Variants in BAZ2B observed in about 807,000 individuals in gnomAD.
BAZ2B encodes the protein bromodomain adjacent to zinc finger domain protein 2B.
A neutral mutation model predicts 246.0 loss-of-function variants in BAZ2B; 91 were observed. That is an observed-to-expected ratio of 0.37 (90% CI 0.31 to 0.44). The LOEUF (loss-of-function observed/expected upper bound fraction) is 0.44. Ranked by LOEUF, BAZ2B falls within the 20% of genes least tolerant of loss-of-function variation. The pLI is 1.00. For missense variants in BAZ2B, 2,332 were observed against 2,533.7 expected (o/e 0.92, Z 1.71); for synonymous variants, 855 against 860.0 (o/e 0.99, Z 0.10).
the BAZ2B span, among the ~76,000 whole-genome samples, chr2:159,633,284 T>C: frequency 1.4e-4 from 21 of 152,134 alleles, no homozygotes; most frequent in African/African-American, 4.8e-4. Flanking sequence ...TGAGAGGCAT[T>C]CACACCCCAA....
chr2:159,560,774 G>A (rs972945410), intron 1 of BAZ2B, among the ~76,000 whole-genome samples: 1 of 151,788 alleles, frequency 6.6e-6, no homozygotes, highest in African/African-American at 2.4e-5. Context: ...TGATCCACCC[G>A]CCTTGGCCTC....
chr2:159,443,567 T>A (rs1156456271), intron 6 of BAZ2B, among the ~76,000 whole-genome samples: 1 of 152,168 alleles, frequency 6.6e-6, no homozygotes, highest in Non-Finnish European at 1.5e-5. Flanking sequence ...CCAATGCCCT[T>A]TATCTCCATT....
intron 30 of BAZ2B, 74 bp downstream of exon 30, chr2:159,348,604 T>G: frequency 6.7e-7 from 1 of 1,493,176 alleles, no homozygotes; most frequent in Non-Finnish European, 8.9e-7. Context: ...TAGACTGTAC[T>G]AAAATATGGT....
chr2:159,650,388 C>A, the BAZ2B span, among the ~76,000 whole-genome samples: 1 of 152,064 alleles, frequency 6.6e-6, no homozygotes, highest in Non-Finnish European at 1.5e-5. Context: ...ATATGTCAGA[C>A]AGAACCACAG....
the BAZ2B span, among the ~76,000 whole-genome samples, chr2:159,642,907 T>C: frequency 1.3e-5 from 2 of 152,190 alleles, no homozygotes; most frequent in Non-Finnish European, 2.9e-5. Context: ...TCATGAGTTA[T>C]CTTGAAACTT....
chr2:159,626,636 C>T, the BAZ2B span, among the ~76,000 whole-genome samples: 15 of 152,116 alleles, frequency 9.9e-5, no homozygotes, highest in African/African-American at 3.4e-4. Context: ...AAAGACACAA[C>T]GTCCCAGAAT....
chr2:159,436,737 C>G (rs777643852), intron 8 of BAZ2B, among the ~76,000 whole-genome samples: 5 of 151,674 alleles, frequency 3.3e-5, no homozygotes, highest in Admixed American at 2.6e-4. Context: ...GGCAACAGAG[C>G]GAGACTCTGT....
chr2:159,468,419 A>C (rs1027837203), intron 3 of BAZ2B, among the ~76,000 whole-genome samples: 4 of 152,238 alleles, frequency 2.6e-5, no homozygotes, highest in African/African-American at 9.6e-5. Context: ...ACAGGTACAG[A>C]GGAGACCCAG....
chr2:159,336,272 G>A (rs982343540), intron 33 of BAZ2B, among the ~76,000 whole-genome samples: 1 of 152,194 alleles, frequency 6.6e-6, no homozygotes, highest in East Asian at 1.9e-4. Flanking sequence ...ATGATTTAAA[G>A]TAAATATTTC....
intron 1 of BAZ2B, among the ~76,000 whole-genome samples, chr2:159,565,592 T>C (rs1182752638): frequency 6.6e-6 from 1 of 151,964 alleles, no homozygotes; most frequent in Non-Finnish European, 1.5e-5. Context: ...GCCTGACTAA[T>C]ATGGTGAAAC....
At chr2:159,485,350 T>G (rs934217326) in intron 2 of BAZ2B, among the ~76,000 whole-genome samples, 15 of 152,192 alleles carry the variant, frequency 9.9e-5, no homozygotes, top group African/African-American at 3.4e-4. Context: ...TCTTTGAAAA[T>G]AATATGTTCA....
intron 2 of BAZ2B, among the ~76,000 whole-genome samples, chr2:159,485,373 T>C (rs1035867327): frequency 2.6e-5 from 4 of 152,146 alleles, no homozygotes; most frequent in Admixed American, 2.6e-4. Flanking sequence ...GGAAAAAGAT[T>C]CTATTCATAA....
chr2:159,437,051 A>T (rs2072491492), intron 8 of BAZ2B, among the ~76,000 whole-genome samples: 1 of 152,222 alleles, frequency 6.6e-6, no homozygotes. Context: ...TAATATTAGT[A>T]GCACTCATAG....
intron 2 of BAZ2B, among the ~76,000 whole-genome samples, chr2:159,481,616 T>C (rs1462119989): frequency 6.6e-6 from 1 of 151,760 alleles, no homozygotes; most frequent in South Asian, 2.1e-4. Context: ...TAACAAAATA[T>C]CAACATCATG....
chr2:159,690,565 T>C, the BAZ2B span, among the ~76,000 whole-genome samples: 2 of 152,182 alleles, frequency 1.3e-5, no homozygotes, highest in Non-Finnish European at 2.9e-5. Flanking sequence ...AGGCTACTAG[T>C]TACTGATTTA....
chr2:159,704,377 C>T, the BAZ2B span, among the ~76,000 whole-genome samples: 1 of 152,244 alleles, frequency 6.6e-6, no homozygotes, highest in Non-Finnish European at 1.5e-5. Flanking sequence ...ATAACATGCA[C>T]TGCATAATGC....
chr2:159,536,029 A>G (rs1280433680), intron 2 of BAZ2B, among the ~76,000 whole-genome samples: 1 of 152,232 alleles, frequency 6.6e-6, no homozygotes, highest in Non-Finnish European at 1.5e-5. Flanking sequence ...GATCCACAGT[A>G]TGTGTGAAAT....
the BAZ2B span, among the ~76,000 whole-genome samples, chr2:159,656,096 T>C: frequency 6.6e-6 from 1 of 152,164 alleles, no homozygotes; most frequent in African/African-American, 2.4e-5. Context: ...GTTTATTTAT[T>C]TTTAGTAACT....
chr2:159,443,757 G>A (rs183284440), intron 6 of BAZ2B, among the ~76,000 whole-genome samples: 37 of 152,078 alleles, frequency 2.4e-4, no homozygotes, highest in African/African-American at 8.7e-4. Flanking sequence ...CTCTAAAACT[G>A]GGTAGAAAGA....
Sources: gnomAD v4.1 joint callset for allele counts (sites outside exome capture counted in the v4.1 genomes callset) on GRCh38, gnomAD v4.1.1 for gene constraint, MANE v1.5 for transcripts, NCBI Gene and HGNC (gene_info 2026-07-23, HGNC 2026-07-21) for gene names.